The following SDK1 variants were observed in gnomAD, a reference collection of about 807,000 sequenced individuals.
SDK1 encodes the protein sidekick cell adhesion molecule 1.
SDK1 carries 157 observed loss-of-function variants against 245.5 expected under a neutral mutation model. The observed-to-expected ratio is 0.64, with a 90% CI of 0.56 to 0.73. The LOEUF is 0.73. SDK1 is among the 30% of genes least tolerant of loss of function. SDK1 has a pLI of 0.00. For missense variants in SDK1, 3,583 were observed against 3,002.3 expected, an observed-to-expected ratio of 1.19 and a Z score of -4.52; for synonymous variants, 1,647 against 1,278.5, an observed-to-expected ratio of 1.29 and a Z score of -6.15.
At chr7:4,114,002 A>G (rs763721789) in intron 24 of SDK1, 35 bp from the exon 25 acceptor site, 2 of 1,575,782 alleles carry the variant, frequency 1.3e-6, no homozygotes, top group South Asian at 1.1e-5. Context: ...CAGTTCTGAG[A>G]TGTCAGCTCA....
At chr7:3,375,625 C>G (rs73050538) in intron 1 of SDK1, among the ~76,000 whole-genome samples, 13,685 of 152,210 alleles carry the variant, frequency 0.09, 875 homozygotes, top group African/African-American at 0.17. Context: ...GAGCTGGCTA[C>G]CTTTCGTGAG....
intron 35 of SDK1, among the ~76,000 whole-genome samples, chr7:4,181,218 C>G (rs1438189784): frequency 6.6e-6 from 1 of 152,248 alleles, no homozygotes; most frequent in Non-Finnish European, 1.5e-5. Flanking sequence ...TGTCCAGATC[C>G]TTGCCCTCGG....
chr7:3,741,226 C>T (rs1237513597), intron 4 of SDK1, among the ~76,000 whole-genome samples: 2 of 152,196 alleles, frequency 1.3e-5, no homozygotes, highest in Non-Finnish European at 1.5e-5. Context: ...ATGGGACTGG[C>T]CAGTGTGTTT....
At chr7:4,071,184 C>G (rs1780235085) in intron 20 of SDK1, among the ~76,000 whole-genome samples, 1 of 151,862 alleles carries the variant, frequency 6.6e-6, no homozygotes, top group South Asian at 2.1e-4. Context: ...GCCACCACAC[C>G]CAGCTAATTT....
At chr7:3,590,477 G>C (rs1431421162) in intron 1 of SDK1, among the ~76,000 whole-genome samples, 1 of 151,986 alleles carries the variant, frequency 6.6e-6, no homozygotes, top group Admixed American at 6.6e-5. Flanking sequence ...GTGAATTGAC[G>C]ATTTAAGATA....
chr7:3,893,231 C>T (rs1368124840), intron 5 of SDK1, among the ~76,000 whole-genome samples: 1 of 152,162 alleles, frequency 6.6e-6, no homozygotes, highest in East Asian at 1.9e-4. Flanking sequence ...ACTCCGGCCC[C>T]GGTTCTGCCT....
intron 2 of SDK1, among the ~76,000 whole-genome samples, chr7:3,631,783 A>T (rs1382751971): frequency 3.4e-4 from 52 of 152,232 alleles, no homozygotes; most frequent in Non-Finnish European, 2.9e-5. Flanking sequence ...TTTAGGGATC[A>T]TTGTGGAAGC....
At chr7:3,461,895 C>G (rs1377438674) in intron 1 of SDK1, among the ~76,000 whole-genome samples, 1 of 152,022 alleles carries the variant, frequency 6.6e-6, no homozygotes, top group Non-Finnish European at 1.5e-5. Context: ...TTATCTTTTC[C>G]CTTTCTTGAA....
chr7:3,452,650 A>C (rs1314434379), intron 1 of SDK1, among the ~76,000 whole-genome samples: 1 of 152,204 alleles, frequency 6.6e-6, no homozygotes, highest in Non-Finnish European at 1.5e-5. Flanking sequence ...GCTATGTTAT[A>C]GAAGAACTTC....
At chr7:4,015,725 G>T (rs887980676) in intron 16 of SDK1, among the ~76,000 whole-genome samples, 1 of 152,172 alleles carries the variant, frequency 6.6e-6, no homozygotes, top group Non-Finnish European at 1.5e-5. Context: ...ACGGAATAAC[G>T]CTGTCCCTTC....
chr7:4,123,451 A>G (rs1784192306), intron 25 of SDK1, among the ~76,000 whole-genome samples: 1 of 152,160 alleles, frequency 6.6e-6, no homozygotes, highest in Non-Finnish European at 1.5e-5. Context: ...GGTGGCATTT[A>G]AGACACCCTA....
At chr7:3,842,779 G>A (rs545122365) in intron 5 of SDK1, among the ~76,000 whole-genome samples, 7 of 152,124 alleles carry the variant, frequency 4.6e-5, no homozygotes, top group East Asian at 1.9e-4. Context: ...CGGGAATTCC[G>A]CTTCCTGATA....
intron 5 of SDK1, among the ~76,000 whole-genome samples, chr7:3,865,775 G>A (rs1780806522): frequency 6.6e-6 from 1 of 151,968 alleles, no homozygotes; most frequent in African/African-American, 2.4e-5. Flanking sequence ...TGGGATTACA[G>A]GCATGAGCCA....
At position 4,118,015 on chromosome 7, in the gene SDK1, A is replaced by G. The variant is rs1435907135; in HGVS notation, c.3823+3741A>G. On this transcript the variant is annotated intron_variant, in intron 25 of 44. Transcript: ENST00000404826. ...TTATATGGATGGCCCAGGAACTCCC[A>G]GAACAGAAATTAATGTAACATTTGG... 3.3e-5 allele frequency among the ~76,000 whole-genome samples: 5 copies of G among 152,340 alleles called. No homozygotes were observed. The East Asian group carries it at 9.6e-4, about 29-fold the overall frequency.
At chr7:3,533,448 T>C (rs1336532968) in intron 1 of SDK1, among the ~76,000 whole-genome samples, 1 of 152,200 alleles carries the variant, frequency 6.6e-6, no homozygotes, top group Admixed American at 6.5e-5. Flanking sequence ...GCCACCAAAA[T>C]AAATCCTATG....
chr7:4,219,916 C>A (rs1233532109), intron 38 of SDK1, among the ~76,000 whole-genome samples, 193 bp from the exon 39 acceptor site: 2 of 151,634 alleles, frequency 1.3e-5, no homozygotes, highest in Admixed American at 1.3e-4. Context: ...CACCCACTTA[C>A]CAAGCTTAAG....
chr7:3,989,446 C>T (rs570339118), intron 14 of SDK1, among the ~76,000 whole-genome samples: 7 of 152,338 alleles, frequency 4.6e-5, no homozygotes, highest in African/African-American at 1.7e-4. Context: ...AGGTGACCCA[C>T]ATCACCCATC....
chr7:3,890,582 C>T (rs1196386524), intron 5 of SDK1, among the ~76,000 whole-genome samples: 1 of 151,676 alleles, frequency 6.6e-6, no homozygotes, highest in Non-Finnish European at 1.5e-5. Context: ...ACTTGAGTCT[C>T]TATGGGTAAC....
intron 5 of SDK1, among the ~76,000 whole-genome samples, chr7:3,837,933 C>T (rs903739758): frequency 2.0e-5 from 3 of 152,188 alleles, no homozygotes; most frequent in South Asian, 2.1e-4. Context: ...CTGGAGTGAT[C>T]TAACAGTGGT....
Sources: gnomAD v4.1 joint callset for allele counts (sites outside exome capture counted in the v4.1 genomes callset) on GRCh38, gnomAD v4.1.1 for gene constraint, MANE v1.5 for transcripts, NCBI Gene and HGNC (gene_info 2026-07-23, HGNC 2026-07-21) for gene names.